Variants in CREB3L3 observed in about 807,000 individuals in gnomAD.
The protein encoded by CREB3L3 is cyclic AMP-responsive element-binding protein 3-like protein 3.
CREB3L3 carries 40 observed loss-of-function variants against 44.6 expected under a neutral mutation model. The observed-to-expected ratio is 0.90, with a 90% CI of 0.70 to 1.17. The LOEUF is 1.17. CREB3L3 is among the 50% of genes most tolerant of loss of function. CREB3L3 has a pLI of 0.00. For synonymous variants in CREB3L3, 273 were observed against 256.3 expected (o/e 1.06, Z -0.62); for missense variants, 578 against 595.8 (o/e 0.97, Z 0.31).
At chr19:4,165,967 T>C (rs1428996124) in intron 5 of CREB3L3, among the ~76,000 whole-genome samples, 1 of 152,180 alleles carries the variant, frequency 6.6e-6, no homozygotes, top group East Asian at 1.9e-4. Flanking sequence ...TGTTTCATAT[T>C]CTCAAACCTC....
intron 2 of CREB3L3, 84 bp downstream of exon 2, chr19:4,155,111 G>A: frequency 6.4e-7 from 1 of 1,551,770 alleles, no homozygotes; most frequent in Non-Finnish European, 8.8e-7. Context: ...AGACCCGCCA[G>A]AGCCCAGCCA....
intron 7 of CREB3L3, 98 bp downstream of exon 7, chr19:4,170,306 G>A: frequency 8.1e-7 from 1 of 1,236,250 alleles, no homozygotes; most frequent in Middle Eastern, 1.9e-4. Context: ...GAATGACATA[G>A]GGAATAAGAG....
chr19:4,154,797 G>A (rs558081032), intron 1 of CREB3L3, 102 bp from the exon 2 acceptor site: 124 of 1,564,764 alleles, frequency 7.9e-5, no homozygotes, highest in Non-Finnish European at 5.4e-5. Context: ...GAGGCAGAGC[G>A]GCAACTGAAC....
intron 1 of CREB3L3, among the ~76,000 whole-genome samples, chr19:4,154,369 C>A (rs916152325): frequency 6.6e-6 from 1 of 151,780 alleles, no homozygotes; most frequent in Non-Finnish European, 1.5e-5. Flanking sequence ...ACCGTGCCTG[C>A]CATACTTTTT....
chr19:4,164,396 C>T (rs1474970168), intron 4 of CREB3L3, 107 bp from the exon 5 acceptor site: 3 of 1,430,026 alleles, frequency 2.1e-6, no homozygotes, highest in Non-Finnish European at 2.0e-6. Context: ...GCGTGAGCCA[C>T]CACACCCAGC....
At chr19:4,158,686 A>G (rs547006667) in intron 3 of CREB3L3, among the ~76,000 whole-genome samples, 1 of 151,846 alleles carries the variant, frequency 6.6e-6, no homozygotes, top group Non-Finnish European at 1.5e-5. Context: ...CTGTAGTCTC[A>G]GCTACTCGGG....
chr19:4,171,470 C>A lies in CREB3L3; in HGVS notation c.1063C>A (p.Pro355Thr). Reference sequence around the variant, plus strand: ...AACCGAGAGCCCTGGGGACTTTGCGCCTGTACGAGGTAGGGGATCCCCACC... The same window carrying A: ...AACCGAGAGCCCTGGGGACTTTGCGACTGTACGAGGTAGGGGATCCCCACC... ...NKTESPGDFAPVRVFSRTLHN... is the reference protein window; with the variant it reads ...NKTESPGDFATVRVFSRTLHN... Residue 355 changes from proline (P) to threonine (T), a missense_variant, in exon 9 of 10, where the codon CCT becomes ACT. Coordinates refer to ENST00000078445, the MANE Select transcript of CREB3L3 (RefSeq NM_032607.3). This position sits in a 1 kb window ranked among gnomAD's most constrained non-coding sequence, Gnocchi z 4.9. The A allele has an allele frequency of 1.2e-6, 2 of 1,614,078 alleles. No individual in the cohort carries two copies. Among genetic ancestry groups the A allele is most frequent in the Non-Finnish European group, 1.7e-6 (2 of 1,179,986 alleles).
intron 5 of CREB3L3, 146 bp from the exon 6 acceptor site, chr19:4,168,205 G>C: frequency 1.8e-6 from 1 of 553,042 alleles, no homozygotes; most frequent in Non-Finnish European, 3.5e-6. Context: ...CACCATGTTG[G>C]CCAGGCTGGT....
chr19:4,170,951 A>G, intron 7 of CREB3L3, 140 bp from the exon 8 acceptor site: 2 of 419,178 alleles, frequency 4.8e-6, no homozygotes, highest in Non-Finnish European at 8.6e-6. Context: ...ATAAATAAAT[A>G]AAATAAATAA....
chr19:4,158,252 C>T (rs2041611689), intron 3 of CREB3L3, among the ~76,000 whole-genome samples: 1 of 152,042 alleles, frequency 6.6e-6, no homozygotes, highest in Non-Finnish European at 1.5e-5. Flanking sequence ...AATCCCAGCA[C>T]TTTGGGAGGC....
intron 5 of CREB3L3, 50 bp from the exon 6 acceptor site, chr19:4,168,301 C>A: frequency 6.7e-7 from 1 of 1,481,622 alleles, no homozygotes; most frequent in Non-Finnish European, 9.4e-7. Context: ...CCCCGGACTC[C>A]AAGTGGGGAC....
rs996399895 is a variant in CREB3L3, at chr19:4,157,208, C to T, written c.370C>T (p.Leu124Phe). 7.4e-6 allele frequency: 12 copies of T among 1,613,992 alleles called. No homozygotes were observed. The highest frequency in any genetic ancestry group is 8.5e-6 in the Non-Finnish European group (10 of 1,180,022). Residue 124 changes from leucine (L) to phenylalanine (F), a missense_variant, in exon 3 of 10, where the codon CTC (leucine) becomes TTC (phenylalanine). By Grantham distance (22) the Leu-to-Phe change is conservative. Transcript: ENST00000078445. ...TGCCCAGCCTGGCAAGGGGCCCTGC[C>T]TCTCCTATCATCCTGGCAACTCTTG... Reference protein sequence around the residue: ...HPAQPGKGPCLSYHPGNSCST... With the variant: ...HPAQPGKGPCFSYHPGNSCST...
At chr19:4,165,845 C>G (rs1966894072) in intron 5 of CREB3L3, among the ~76,000 whole-genome samples, 1 of 151,998 alleles carries the variant, frequency 6.6e-6, no homozygotes, top group East Asian at 1.9e-4. Flanking sequence ...CCACTGCACT[C>G]CAGCCTGGGT....
At chr19:4,165,978 C>T (rs949993455) in intron 5 of CREB3L3, among the ~76,000 whole-genome samples, 1 of 152,202 alleles carries the variant, frequency 6.6e-6, no homozygotes, top group Non-Finnish European at 1.5e-5. Flanking sequence ...CTCAAACCTC[C>T]ATATGCACCA....
In CREB3L3 at chr19:4,171,281, T is replaced by C. The variant is rs1338499940; in HGVS notation, c.976-102T>C. On this transcript the variant is annotated intron_variant, in intron 8 of 9. Transcript: ENST00000078445. This position sits in a 1 kb window ranked among gnomAD's most constrained non-coding sequence, Gnocchi z 4.9. ...CTCTCCTTGTGCCCCAGCTCAAGTATGATCCAGTCTGGTCTTTGGGGCCTC... is the reference window on the plus strand; with the variant it reads ...CTCTCCTTGTGCCCCAGCTCAAGTACGATCCAGTCTGGTCTTTGGGGCCTC... The C allele has an allele frequency of 4.9e-6, 7 of 1,442,518 alleles. No homozygotes were observed. The highest frequency in any genetic ancestry group is 5.8e-6 in the Non-Finnish European group (6 of 1,028,646). 89.4% of individuals were successfully genotyped at this position (1,442,518 alleles called of 1,614,324 possible).
At chr19:4,170,880 A>G (rs1184973745) in intron 7 of CREB3L3, among the ~76,000 whole-genome samples, 1 of 152,116 alleles carries the variant, frequency 6.6e-6, no homozygotes, top group African/African-American at 2.4e-5. Context: ...CACTCACTCC[A>G]GCCTGGGCGA....
At chr19:4,164,433 T>TA in intron 4 of CREB3L3, 70 bp from the exon 5 acceptor site, 1 of 1,596,074 alleles carries the variant, frequency 6.3e-7, no homozygotes, top group Non-Finnish European at 8.6e-7. Flanking sequence ...TTCGATCTGA[T>TA]ACCTCTTTCA....
In CREB3L3 at chr19:4,171,091, G is replaced by A. The variant is rs146863959; in HGVS notation, c.891G>A (p.Leu297=). Residue 297 remains leucine (L), a splice_region_variant and synonymous_variant, in exon 8 of 10, where the codon CTG becomes CTA. Coordinates refer to ENST00000078445, the MANE Select transcript of CREB3L3 (RefSeq NM_032607.3). The surrounding 1 kb of genome is among the most constrained non-coding windows in gnomAD (Gnocchi z 4.9). ...RKVLHLEKQN[L]SLLEQLKKLQ... is the part of the protein sequence containing the mutation. The stretch of plus-strand genomic sequence containing the variant: ...GCGGAGGCCTGCCTGTCTCTCTAAG[G>A]TCCCTCTTGGAGCAACTGAAGAAAC... 1.9e-6 allele frequency: 3 copies of A among 1,613,634 alleles called. No homozygotes were observed. Among genetic ancestry groups the A allele is most frequent in the East Asian group, 2.2e-5 (1 of 44,872 alleles).
At chr19:4,169,042 T>C (rs1341351325) in intron 6 of CREB3L3, among the ~76,000 whole-genome samples, 1 of 151,392 alleles carries the variant, frequency 6.6e-6, no homozygotes, top group Non-Finnish European at 1.5e-5. Context: ...GTCTCTCCCC[T>C]TTCTTAAATG....
Sources: allele counts gnomAD v4.1 joint callset (sites outside exome capture counted in the v4.1 genomes callset), GRCh38; gene constraint gnomAD v4.1.1; non-coding constraint Gnocchi (gnomAD v3.1); transcripts MANE v1.5; gene names NCBI Gene and HGNC (gene_info 2026-07-23, HGNC 2026-07-21).